Variants in MYLK3 observed in about 807,000 individuals in gnomAD.
The protein encoded by MYLK3 is myosin light chain kinase 3.
A neutral mutation model predicts 76.3 loss-of-function variants in MYLK3; 55 were observed. The ratio of observed to expected loss-of-function variants is 0.72; its 90% CI spans 0.58 to 0.90. The LOEUF is 0.90. MYLK3 is among the 40% of genes least tolerant of loss of function. MYLK3 has a pLI of 0.00. For missense variants in MYLK3, 973 were observed against 1,053.6 expected (o/e 0.92, Z 1.06); for synonymous variants, 416 against 425.4 (o/e 0.98, Z 0.27).
chr16:46,747,985 G>A lies in MYLK3; in HGVS notation c.209C>T (p.Ser70Phe), dbSNP rs916614885. The change falls in exon 1 of 13, where the codon TCC (serine) becomes TTC (phenylalanine). Residue 70 changes from serine to phenylalanine, a missense_variant. Physicochemically the swap from Ser to Phe is radical, Grantham distance 155. This residue lies in a region of MYLK3 where 641 missense variants were observed against 637.0 expected (regional missense o/e 1.01). Transcript: ENST00000394809. Reference sequence around the variant, plus strand: ...AGCCCCGCCCGGGCCCGGTGCCCGGGAGGCCTCCAGCCTGTGCAGGCCCCG... The same window carrying A: ...AGCCCCGCCCGGGCCCGGTGCCCGGAAGGCCTCCAGCCTGTGCAGGCCCCG... ...LERGLHRLEA[S>F]RAPGPGGADG... is the part of the protein sequence containing the mutation. 1.9e-6 allele frequency: 3 copies of A among 1,613,350 alleles called. No homozygotes were observed. The highest frequency in any genetic ancestry group is 1.1e-5 in the South Asian group (1 of 91,056).
At chr16:46,756,865 G>A (rs1302631660) in intron 1 of MYLK3, among the ~76,000 whole-genome samples, 1 of 152,200 alleles carries the variant, frequency 6.6e-6, no homozygotes, top group African/African-American at 2.4e-5. Context: ...GAAAATGGCA[G>A]CGATTGGAAC....
At chr16:46,758,966 G>A (rs1967241628) in intron 1 of MYLK3, among the ~76,000 whole-genome samples, 1 of 152,142 alleles carries the variant, frequency 6.6e-6, no homozygotes, top group Non-Finnish European at 1.5e-5. Context: ...TCTCATCCTG[G>A]CCATACAGAA....
rs1468983743 is a variant in MYLK3, at chr16:46,710,642, C to T, written c.2262G>A (p.Glu754=). ...TGACAAGCAATGAAAGGTACCTCTT[C>T]TCTTTGACCAGCAACCGGGAAACAA... ...KDFVSRLLVK[E]KSCRMSATQC... is the part of the protein sequence containing the mutation. Residue 754 remains glutamate (E), a synonymous_variant, in exon 11 of 13, where the codon GAG becomes GAA. Transcript: ENST00000394809. 2 of 1,614,078 alleles carry T rather than the reference C, an allele frequency of 1.2e-6. No individual in the cohort carries two copies. The highest frequency in any genetic ancestry group is 1.7e-6 in the Non-Finnish European group (2 of 1,180,040).
chr16:46,761,100 G>A (rs1967270798), intron 1 of MYLK3, among the ~76,000 whole-genome samples: 1 of 152,124 alleles, frequency 6.6e-6, no homozygotes, highest in Non-Finnish European at 1.5e-5. Flanking sequence ...TGGAGGAAAT[G>A]GGACTTGAGC....
rs369236002 is a variant in MYLK3, at chr16:46,729,030, A to G, written c.1766T>C (p.Met589Thr). 3.7e-6 allele frequency: 6 copies of G among 1,613,622 alleles called. No homozygotes were observed. In the African/African-American group the frequency reaches 4.0e-5, roughly 11 times the overall value. ...CCCCGCCTCTGATACTCACTACTCC[A>G]TGACAAGGGTGCAGCTGTGCTTGCT... The part of the protein sequence containing the change: ...FESKHSCTLV[M>T]EYVDGGELFD... The change falls in exon 7 of 13, where the codon ATG (methionine) becomes ACG (threonine). Residue 589 changes from methionine to threonine, a missense_variant. Met to Thr is a moderately conservative substitution (Grantham distance 81). Transcript: ENST00000394809.
chr16:46,748,395 C>G (rs992243951), upstream of MYLK3: 38 of 975,668 alleles, frequency 3.9e-5, no homozygotes, highest in Non-Finnish European at 5.5e-5. The surrounding 1 kb of genome is among the most constrained non-coding windows in gnomAD (Gnocchi z 4.3). Flanking sequence ...TGCTTATCTC[C>G]CACCCTACAC....
chr16:46,748,817 G>A (rs1967075573), upstream of MYLK3, among the ~76,000 whole-genome samples: 1 of 152,214 alleles, frequency 6.6e-6, no homozygotes, highest in Admixed American at 6.5e-5. This position sits in a 1 kb window ranked among gnomAD's most constrained non-coding sequence, Gnocchi z 4.3. Context: ...CCAGCGTTCA[G>A]AACATGTGTT....
chr16:46,715,880 C>A (rs1253754451), intron 9 of MYLK3, among the ~76,000 whole-genome samples: 2 of 152,216 alleles, frequency 1.3e-5, no homozygotes, highest in African/African-American at 2.4e-5. Context: ...ATTTATTCTG[C>A]AGCATGGAAT....
intron 1 of MYLK3, among the ~76,000 whole-genome samples, chr16:46,756,852 C>T (rs1283804082): frequency 6.6e-6 from 1 of 152,162 alleles, no homozygotes; most frequent in Non-Finnish European, 1.5e-5. Context: ...GTGGTAAGTC[C>T]ACGAAAATGG....
intron 10 of MYLK3, among the ~76,000 whole-genome samples, chr16:46,711,320 G>A (rs527409140): frequency 3.3e-5 from 5 of 152,230 alleles, no homozygotes; most frequent in South Asian, 2.1e-4. Flanking sequence ...GGGACAGTGC[G>A]CAGCAGTTAC....
intron 11 of MYLK3, 131 bp from the exon 12 acceptor site, chr16:46,709,802 C>A: frequency 2.8e-6 from 3 of 1,074,256 alleles, no homozygotes; most frequent in Non-Finnish European, 4.0e-6. Context: ...TGCCATGTAC[C>A]AAAAAGGGAA....
chr16:46,757,020 G>A lies in MYLK3; in HGVS notation c.-114+6020C>T, dbSNP rs373395540. Among the ~76,000 whole-genome samples, 7 of 152,306 alleles carry A rather than the reference G, an allele frequency of 4.6e-5. No homozygotes were observed. The East Asian group carries it at 9.6e-4, about 21-fold the overall frequency. ...GGGACAGCTTCCCAGTCCTAAGCCA[G>A]TGGACCTCCTCCCAGCCCAGGCCAC... On this transcript the variant is annotated intron_variant, in intron 1 of 11. Transcript: ENST00000536476.
rs763892427 is a variant in MYLK3, at chr16:46,737,793, C to G, written c.919G>C (p.Gly307Arg). The stretch of plus-strand genomic sequence containing the variant: ...GGCCCTGGGCACTGAGGGCCAGGCC[C>G]TGGAGTCAGCCTCGTGCCTTCCTCT... ...PLEEGTRLTPGPGPQCPGPPG... is the reference protein window; with the variant it reads ...PLEEGTRLTPRPGPQCPGPPG... The change falls in exon 3 of 13, where the codon GGG becomes CGG. Residue 307 changes from glycine to arginine, a missense_variant. By Grantham distance (125) the Gly-to-Arg change is moderately radical. Around this residue, in one of 2 missense-constraint regions of MYLK3, gnomAD observed 641 missense variants for 637.0 expected, o/e 1.01. Transcript: ENST00000394809. 6.2e-6 allele frequency: 10 copies of G among 1,612,438 alleles called. No homozygotes were observed. The South Asian group carries it at 9.9e-5, about 16-fold the overall frequency.
At chr16:46,760,999 T>G (rs2143018909) in intron 1 of MYLK3, among the ~76,000 whole-genome samples, 2 of 152,276 alleles carry the variant, frequency 1.3e-5, no homozygotes, top group Middle Eastern at 6.8e-3. Flanking sequence ...CAGGGCAGGC[T>G]TCTGGGGCCC....
chr16:46,751,107 A>T (rs1967118469), upstream of MYLK3, among the ~76,000 whole-genome samples: 1 of 151,808 alleles, frequency 6.6e-6, no homozygotes, highest in Non-Finnish European at 1.5e-5. Flanking sequence ...CCATGTATCT[A>T]TAACAAACAT....
chr16:46,755,988 A>G (rs1394805982), intron 1 of MYLK3, among the ~76,000 whole-genome samples: 1 of 144,670 alleles, frequency 6.9e-6, no homozygotes, highest in Non-Finnish European at 1.5e-5. Context: ...GCTCACTGCA[A>G]CCTCCGCCTC....
chr16:46,734,574 T>C (rs1966860015), intron 3 of MYLK3, among the ~76,000 whole-genome samples: 1 of 151,820 alleles, frequency 6.6e-6, no homozygotes, highest in South Asian at 2.1e-4. Context: ...TGAGTTGAGA[T>C]CATGCCACTG....
intron 9 of MYLK3, among the ~76,000 whole-genome samples, 171 bp downstream of exon 9, chr16:46,720,942 CAGCCCATGCA>C (rs1966792938): frequency 6.6e-6 from 1 of 152,202 alleles, no homozygotes. Flanking sequence ...AGCACAAAGC[CAGCCCATGCA>C]AGAGCAACAA....
chr16:46,757,485 T>G (rs1166059532), intron 1 of MYLK3: 1 of 985,336 alleles, frequency 1.0e-6, no homozygotes, highest in African/African-American at 1.7e-5. Flanking sequence ...CGCGCAGTGC[T>G]GGAGTGGGGC....
Sources: gnomAD v4.1 joint callset for allele counts (sites outside exome capture counted in the v4.1 genomes callset) on GRCh38, gnomAD v4.1.1 for gene constraint, gnomAD v4.1.1 regional missense constraint, Gnocchi (gnomAD v3.1) non-coding constraint, MANE v1.5 for transcripts, NCBI Gene and HGNC (gene_info 2026-07-23, HGNC 2026-07-21) for gene names.